The following ENTREP2 variants were observed in gnomAD, a reference collection of about 807,000 sequenced individuals.
ENTREP2 encodes endosomal transmembrane epsin interactor 2.
At chr15:29,344,919 C>T in the ENTREP2 span, among the ~76,000 whole-genome samples, 31 of 140,832 alleles carry the variant, frequency 2.2e-4, no homozygotes, top group East Asian at 6.2e-4. Context: ...GGATTAAACA[C>T]GCACGCGCGC....
chr15:29,459,338 T>G, the ENTREP2 span, among the ~76,000 whole-genome samples: 1 of 152,110 alleles, frequency 6.6e-6, no homozygotes, highest in African/African-American at 2.4e-5. Context: ...ATCGTTGGTG[T>G]GACATTTCCT....
At chr15:29,236,115 C>A in the ENTREP2 span, among the ~76,000 whole-genome samples, 4 of 152,028 alleles carry the variant, frequency 2.6e-5, no homozygotes, top group Non-Finnish European at 5.9e-5. Context: ...ATCAACAACA[C>A]TGACAGAAGT....
chr15:29,614,794 C>T, the ENTREP2 span, among the ~76,000 whole-genome samples: 2 of 152,150 alleles, frequency 1.3e-5, no homozygotes, highest in East Asian at 1.9e-4. Flanking sequence ...TGGTGGCTCA[C>T]GCCAGTCATC....
the ENTREP2 span, among the ~76,000 whole-genome samples, chr15:29,263,861 T>TA: frequency 1.3e-5 from 2 of 152,018 alleles, no homozygotes; most frequent in Admixed American, 6.6e-5. Context: ...CAGGGAGAGT[T>TA]AAAGTCTGAA....
At chr15:29,479,568 C>T in the ENTREP2 span, among the ~76,000 whole-genome samples, 3 of 152,116 alleles carry the variant, frequency 2.0e-5, no homozygotes, top group South Asian at 2.1e-4. Context: ...ACTACTCCAC[C>T]CCTAAGGGCT....
the ENTREP2 span, among the ~76,000 whole-genome samples, chr15:29,402,968 C>G: frequency 6.6e-6 from 1 of 152,162 alleles, no homozygotes; most frequent in African/African-American, 2.4e-5. Context: ...GTGGACGGGG[C>G]CAGACAAATT....
At chr15:29,573,152 A>G in the ENTREP2 span, among the ~76,000 whole-genome samples, 1 of 152,136 alleles carries the variant, frequency 6.6e-6, no homozygotes, top group Non-Finnish European at 1.5e-5. Context: ...TGTTTTATTT[A>G]TTTATTTAAG....
At chr15:29,665,253 C>A in the ENTREP2 span, among the ~76,000 whole-genome samples, 19 of 152,342 alleles carry the variant, frequency 1.2e-4, no homozygotes, top group Admixed American at 6.5e-4. Context: ...TCAGCAGAGC[C>A]TAGTTCAACA....
At chr15:29,549,437 T>A in the ENTREP2 span, among the ~76,000 whole-genome samples, 1 of 152,034 alleles carries the variant, frequency 6.6e-6, no homozygotes, top group Admixed American at 6.5e-5. Flanking sequence ...ACCTGGCTAA[T>A]TTTTTTGTAT....
the ENTREP2 span, among the ~76,000 whole-genome samples, chr15:29,598,707 CT>C: frequency 1.9e-5 from 2 of 104,010 alleles, no homozygotes; most frequent in African/African-American, 3.2e-5. Context: ...TTCTTTTTTT[CT>C]TTTTTTGAGA....
At chr15:29,441,840 G>A in the ENTREP2 span, among the ~76,000 whole-genome samples, 1 of 152,242 alleles carries the variant, frequency 6.6e-6, no homozygotes, top group Admixed American at 6.5e-5. Context: ...GCCCAGGTGA[G>A]CTCACGCACT....
chr15:29,581,767 G>A, the ENTREP2 span, among the ~76,000 whole-genome samples: 6 of 151,922 alleles, frequency 3.9e-5, no homozygotes, highest in Non-Finnish European at 7.4e-5. Context: ...AAAAGGCACA[G>A]GCTCTAGAAT....
the ENTREP2 span, among the ~76,000 whole-genome samples, chr15:29,488,601 T>C: frequency 1.3e-5 from 2 of 151,908 alleles, no homozygotes; most frequent in Non-Finnish European, 2.9e-5. Context: ...TACAAAGAAA[T>C]CCACACTGAG....
the ENTREP2 span, among the ~76,000 whole-genome samples, chr15:29,543,116 C>T: frequency 2.0e-5 from 3 of 151,108 alleles, no homozygotes; most frequent in Non-Finnish European, 4.4e-5. Flanking sequence ...AGACTCTCTA[C>T]ATGTTAACTT....
the ENTREP2 span, among the ~76,000 whole-genome samples, chr15:29,642,767 G>A: frequency 6.6e-6 from 1 of 151,860 alleles, no homozygotes; most frequent in Middle Eastern, 3.4e-3. Flanking sequence ...CACACGCCAC[G>A]ACACACGGCT....
the ENTREP2 span, among the ~76,000 whole-genome samples, chr15:29,144,052 G>A: frequency 6.6e-6 from 1 of 152,168 alleles, no homozygotes; most frequent in Admixed American, 6.5e-5. Flanking sequence ...TGGTGTGGGA[G>A]GAGGAGGGAA....
the ENTREP2 span, among the ~76,000 whole-genome samples, chr15:29,216,581 C>G: frequency 1.4e-4 from 21 of 152,164 alleles, no homozygotes; most frequent in Non-Finnish European, 2.5e-4. Context: ...TTAGAATTCT[C>G]TTCTTTCTCA....
At chr15:29,278,808 G>A in the ENTREP2 span, among the ~76,000 whole-genome samples, 2 of 152,162 alleles carry the variant, frequency 1.3e-5, no homozygotes, top group East Asian at 1.9e-4. Context: ...TGCTCTACAT[G>A]TGCACTGGTT....
chr15:29,138,521 T>C, the ENTREP2 span, among the ~76,000 whole-genome samples: 1 of 151,906 alleles, frequency 6.6e-6, no homozygotes. Context: ...GGTGAGTGCG[T>C]GTGTGTCTGT....
Sources: allele counts gnomAD v4.1 joint callset (sites outside exome capture counted in the v4.1 genomes callset), GRCh38; gene constraint gnomAD v4.1.1; transcripts MANE v1.5; gene names NCBI Gene and HGNC (gene_info 2026-07-23, HGNC 2026-07-21).